The following WWOX variants were observed in gnomAD, a reference collection of about 807,000 sequenced individuals.
WWOX encodes the protein WW domain-containing oxidoreductase.
A neutral mutation model predicts 46.2 loss-of-function variants in WWOX; 69 were observed. The ratio of observed to expected loss-of-function variants is 1.49; its 90% CI spans 1.23 to 1.82. The LOEUF (loss-of-function observed/expected upper bound fraction) is 1.82, where lower values mean the gene tolerates loss of function less well. WWOX is among the 40% of genes most tolerant of loss of function. The pLI, the probability that WWOX is intolerant of heterozygous loss-of-function variation, is 0.00. For missense variants in WWOX, 919 were observed against 542.6 expected (o/e 1.69, Z -6.89); for synonymous variants, 359 against 202.6 (o/e 1.77, Z -6.56).
intron 8 of WWOX, among the ~76,000 whole-genome samples, chr16:78,861,828 G>T (rs1004646112): frequency 6.6e-6 from 1 of 152,148 alleles, no homozygotes; most frequent in Non-Finnish European, 1.5e-5. Context: ...AAGCACAAAA[G>T]AAATTAAATA....
chr16:78,953,587 C>T (rs554419347), intron 8 of WWOX, among the ~76,000 whole-genome samples: 2 of 152,152 alleles, frequency 1.3e-5, no homozygotes, highest in African/African-American at 4.8e-5. Context: ...GAGAGTGTGT[C>T]CCCTCCACTG....
intron 5 of WWOX, among the ~76,000 whole-genome samples, chr16:78,256,283 G>A (rs2038129636): frequency 6.6e-6 from 1 of 151,598 alleles, no homozygotes; most frequent in African/African-American, 2.4e-5. Context: ...TCTCCTAAAT[G>A]AGGAGAACCA....
chr16:79,059,807 C>T (rs780274866), intron 8 of WWOX, among the ~76,000 whole-genome samples: 98 of 152,344 alleles, frequency 6.4e-4, no homozygotes, highest in Admixed American at 2.2e-3. Flanking sequence ...CCACGTGTGT[C>T]AGAGACAACA....
chr16:78,400,042 T>C (rs1184811780), intron 6 of WWOX, among the ~76,000 whole-genome samples: 1 of 152,214 alleles, frequency 6.6e-6, no homozygotes, highest in Non-Finnish European at 1.5e-5. Context: ...TCCTTTCTTG[T>C]CTTCATTTTT....
At chr16:78,413,829 A>T (rs985334810) in intron 6 of WWOX, among the ~76,000 whole-genome samples, 2 of 151,948 alleles carry the variant, frequency 1.3e-5, no homozygotes, top group Admixed American at 1.3e-4. Flanking sequence ...GTTGTCAGAA[A>T]TGCAAAAATC....
intron 8 of WWOX, among the ~76,000 whole-genome samples, chr16:78,697,683 A>T (rs2048130062): frequency 6.6e-6 from 1 of 152,200 alleles, no homozygotes; most frequent in Non-Finnish European, 1.5e-5. Flanking sequence ...GGAAAGGCTA[A>T]TTTAAGTGTT....
At chr16:78,926,319 G>A (rs1038403375) in intron 8 of WWOX, among the ~76,000 whole-genome samples, 2 of 151,214 alleles carry the variant, frequency 1.3e-5, no homozygotes, top group Admixed American at 6.6e-5. Flanking sequence ...ATTGCAGTGA[G>A]CCATGCTCGT....
chr16:78,162,113 G>C (rs2034813860), intron 4 of WWOX, among the ~76,000 whole-genome samples: 1 of 152,138 alleles, frequency 6.6e-6, no homozygotes, highest in Admixed American at 6.5e-5. Context: ...CCTCTAGTGT[G>C]GGTCTATACG....
At chr16:78,725,813 G>T (rs564467779) in intron 8 of WWOX, among the ~76,000 whole-genome samples, 15 of 152,050 alleles carry the variant, frequency 9.9e-5, no homozygotes, top group African/African-American at 3.1e-4. Context: ...TTGGCATTGC[G>T]GGCGGTGCTT....
intron 8 of WWOX, among the ~76,000 whole-genome samples, chr16:79,176,633 A>G (rs4511552): frequency 0.059 from 8,962 of 152,216 alleles, 337 homozygotes; most frequent in East Asian, 0.16. Flanking sequence ...TCTTCATGTC[A>G]TTAAACTTTG....
intron 8 of WWOX, among the ~76,000 whole-genome samples, chr16:79,181,520 G>A (rs1313014744): frequency 6.6e-6 from 1 of 152,008 alleles, no homozygotes; most frequent in Non-Finnish European, 1.5e-5. Context: ...ACACTATGCA[G>A]AACGATTTCC....
chr16:78,698,053 T>C (rs1346601224), intron 8 of WWOX, among the ~76,000 whole-genome samples: 1 of 152,246 alleles, frequency 6.6e-6, no homozygotes, highest in East Asian at 1.9e-4. Context: ...TTATAAATGC[T>C]ACTTAAAATG....
At chr16:78,303,841 G>C (rs751424502) in intron 5 of WWOX, among the ~76,000 whole-genome samples, 1 of 152,090 alleles carries the variant, frequency 6.6e-6, no homozygotes, top group Non-Finnish European at 1.5e-5. Flanking sequence ...CACCGTGCCC[G>C]GCCAGACCCG....
At chr16:78,614,379 A>G (rs11861706) in intron 8 of WWOX, among the ~76,000 whole-genome samples, 4,901 of 152,308 alleles carry the variant, frequency 0.032, 295 homozygotes, top group African/African-American at 0.11. Context: ...CATATCTTCA[A>G]TGCATCATTT....
intron 8 of WWOX, among the ~76,000 whole-genome samples, chr16:78,624,098 A>C (rs1047242436): frequency 6.6e-6 from 1 of 152,186 alleles, no homozygotes; most frequent in African/African-American, 2.4e-5. Context: ...TTGACCTAAC[A>C]GGTCATATGA....
At position 78,504,704 on chromosome 16, in the gene WWOX, G is replaced by A. The variant is rs74328476; in HGVS notation, c.1056+71952G>A. On this transcript the variant is annotated intron_variant, in intron 8 of 8. Coordinates refer to ENST00000566780, the MANE Select transcript of WWOX (RefSeq NM_016373.4). ...GGGGAGGATGGGAGAATTAATTCCA[G>A]TTTCTCAATTGCAAAAGTGAGGCTG... Among the ~76,000 whole-genome samples the A allele has an allele frequency of 5.9e-5, 9 of 152,222 alleles. No homozygotes were observed. The East Asian group carries it at 1.7e-3, about 29-fold the overall frequency.
intron 8 of WWOX, among the ~76,000 whole-genome samples, chr16:78,977,946 C>T (rs2046605806): frequency 1.3e-5 from 2 of 150,154 alleles, no homozygotes; most frequent in South Asian, 2.2e-4. Flanking sequence ...AGTTCAATAG[C>T]AGTACATTCA....
At chr16:78,636,159 T>C (rs2046563811) in intron 8 of WWOX, among the ~76,000 whole-genome samples, 2 of 152,162 alleles carry the variant, frequency 1.3e-5, no homozygotes, top group South Asian at 2.1e-4. Context: ...AAAGGTAGTA[T>C]ATTATAATGG....
At chr16:78,587,504 T>A (rs180995769) in intron 8 of WWOX, among the ~76,000 whole-genome samples, 143 of 152,182 alleles carry the variant, frequency 9.4e-4, no homozygotes, top group Non-Finnish European at 1.7e-3. Flanking sequence ...AAGATAAGTG[T>A]CTTATTGATT....
Sources: allele counts gnomAD v4.1 joint callset (sites outside exome capture counted in the v4.1 genomes callset), GRCh38; gene constraint gnomAD v4.1.1; transcripts MANE v1.5; gene names NCBI Gene and HGNC (gene_info 2026-07-23, HGNC 2026-07-21).